Variants in BLTP1 observed in about 807,000 individuals in gnomAD.
BLTP1 encodes bridge-like lipid transfer protein family member 1.
the BLTP1 span, chr4:122,362,112 G>T: frequency 6.2e-7 from 1 of 1,613,572 alleles, no homozygotes; most frequent in Non-Finnish European, 8.5e-7. Flanking sequence ...ATCATGCTAG[G>T]ACTACTATTC....
the BLTP1 span, chr4:122,186,026 G>A: frequency 2.2e-5 from 33 of 1,519,728 alleles, no homozygotes; most frequent in Non-Finnish European, 2.7e-5. Flanking sequence ...TTTGTAATTG[G>A]TGTCTTTAGA....
the BLTP1 span, among the ~76,000 whole-genome samples, chr4:122,217,545 C>A: frequency 6.6e-6 from 1 of 151,980 alleles, no homozygotes; most frequent in African/African-American, 2.4e-5. Context: ...TTGACTCATC[C>A]CTTCATCCCT....
At chr4:122,243,246 C>A in the BLTP1 span, among the ~76,000 whole-genome samples, 1 of 152,160 alleles carries the variant, frequency 6.6e-6, no homozygotes. Flanking sequence ...TAGTCAGTAG[C>A]ATTTCTATTA....
chr4:122,167,914 T>G, the BLTP1 span: 3 of 984,746 alleles, frequency 3.0e-6, no homozygotes, highest in Non-Finnish European at 3.6e-6. Context: ...CCATGAAGAT[T>G]TTGCAATAGA....
the BLTP1 span, chr4:122,200,718 T>C: frequency 2.0e-6 from 2 of 981,240 alleles, no homozygotes; most frequent in Non-Finnish European, 2.4e-6. Context: ...ATTAGGGATG[T>C]CGGTTGTTAC....
chr4:122,224,655 C>A, the BLTP1 span: 1 of 1,614,002 alleles, frequency 6.2e-7, no homozygotes. Flanking sequence ...GGAAGTCTTA[C>A]AGCTAAGGTC....
At chr4:122,355,889 C>T in the BLTP1 span, 1 of 1,612,562 alleles carries the variant, frequency 6.2e-7, no homozygotes, top group Non-Finnish European at 8.5e-7. Context: ...AGAGGAGGTT[C>T]TAGCTACAAC....
the BLTP1 span, chr4:122,229,868 T>C: frequency 7.3e-6 from 11 of 1,508,250 alleles, no homozygotes; most frequent in Non-Finnish European, 9.8e-6. Flanking sequence ...TCAGTAGTTT[T>C]GGCTAAGCTA....
chr4:122,246,407 A>T, the BLTP1 span: 2 of 1,125,568 alleles, frequency 1.8e-6, no homozygotes, highest in African/African-American at 1.6e-5. Flanking sequence ...GTGTAATATT[A>T]AAAAAATATG....
At chr4:122,207,319 A>G in the BLTP1 span, 1 of 1,478,472 alleles carries the variant, frequency 6.8e-7, no homozygotes, top group Non-Finnish European at 9.2e-7. Context: ...GGCAAATACC[A>G]ACTAAGAAAA....
At chr4:122,301,314 A>G in the BLTP1 span, 8 of 1,601,168 alleles carry the variant, frequency 5.0e-6, no homozygotes, top group East Asian at 2.3e-5. Flanking sequence ...GGAGCAGCCT[A>G]TTCCTCTCTG....
chr4:122,295,091 C>G, the BLTP1 span, among the ~76,000 whole-genome samples: 1 of 152,016 alleles, frequency 6.6e-6, no homozygotes, highest in Non-Finnish European at 1.5e-5. Context: ...CAAACAAAAC[C>G]TCTGAGAACT....
the BLTP1 span, chr4:122,302,377 T>C: frequency 3.8e-6 from 1 of 263,032 alleles, no homozygotes; most frequent in African/African-American, 2.3e-5. Context: ...GTGCCATTTT[T>C]CCAATAGCAT....
the BLTP1 span, chr4:122,353,939 C>T: frequency 9.3e-6 from 15 of 1,613,558 alleles, no homozygotes; most frequent in East Asian, 2.2e-5. This position sits in a 1 kb window ranked among gnomAD's most constrained non-coding sequence, Gnocchi z 4.3. Context: ...GATAACAAGG[C>T]GTCGCCATGA....
the BLTP1 span, chr4:122,240,177 G>C: frequency 1.9e-6 from 3 of 1,614,094 alleles, no homozygotes; most frequent in African/African-American, 4.0e-5. Flanking sequence ...GCAACAACCC[G>C]TGATGAATTG....
chr4:122,192,284 T>C, the BLTP1 span: 35 of 1,613,498 alleles, frequency 2.2e-5, no homozygotes, highest in South Asian at 3.5e-4. Context: ...GCAGTGAGGA[T>C]TGCAAATTAC....
the BLTP1 span, among the ~76,000 whole-genome samples, chr4:122,188,632 G>A: frequency 2.0e-5 from 3 of 150,560 alleles, no homozygotes; most frequent in Admixed American, 2.0e-4. Flanking sequence ...CTTCAGTGAA[G>A]TAGCTGCTTG....
At chr4:122,175,946 T>C in the BLTP1 span, 1 of 1,006,110 alleles carries the variant, frequency 9.9e-7, no homozygotes, top group Non-Finnish European at 1.6e-6. Flanking sequence ...GTTTAAAATG[T>C]TCAATCATAT....
the BLTP1 span, chr4:122,344,359 G>GTGTT: frequency 1.2e-6 from 2 of 1,610,066 alleles, no homozygotes; most frequent in African/African-American, 1.3e-5. Flanking sequence ...TGTGGGGGTT[G>GTGTT]TGTTTGTTTG....
Sources: allele counts gnomAD v4.1 joint callset (sites outside exome capture counted in the v4.1 genomes callset), GRCh38; gene constraint gnomAD v4.1.1; non-coding constraint Gnocchi (gnomAD v3.1); transcripts MANE v1.5; gene names NCBI Gene and HGNC (gene_info 2026-07-23, HGNC 2026-07-21).